HDLBP: variants seen among roughly 807,000 people sequenced by gnomAD.
The protein encoded by HDLBP is vigilin.
In HDLBP, 30 loss-of-function variants were observed where a neutral mutation model predicts 137.3. That is an observed-to-expected ratio of 0.22 (90% CI 0.16 to 0.30). The LOEUF (loss-of-function observed/expected upper bound fraction) is 0.30, where lower values mean the gene tolerates loss of function less well. Ranked by LOEUF, HDLBP falls within the 10% of genes least tolerant of loss-of-function variation. HDLBP has a pLI of 1.00. For missense variants in HDLBP, 1,119 were observed against 1,667.3 expected, an observed-to-expected ratio of 0.67 and a Z score of 5.73; for synonymous variants, 606 against 596.0, an observed-to-expected ratio of 1.02 and a Z score of -0.24.
chr2:241,239,521 G>A lies in HDLBP; in HGVS notation c.2610+81C>T, dbSNP rs1011579824. 4.3e-6 allele frequency: 5 copies of A among 1,151,304 alleles called. No individual in the cohort carries two copies. The highest frequency in any genetic ancestry group is 1.5e-5 in the African/African-American group (1 of 66,424). 71.3% of individuals were successfully genotyped at this position (1,151,304 alleles called of 1,614,324 possible). ...GTATGAGGGAGTCACCTCCCTACAGGGTGGAGCGAACACTCATACACGGCT... is the reference window on the plus strand; with the variant it reads ...GTATGAGGGAGTCACCTCCCTACAGAGTGGAGCGAACACTCATACACGGCT... On this transcript the variant is annotated intron_variant, in intron 19 of 27. Transcript: ENST00000310931. The surrounding 1 kb of genome is among the most constrained non-coding windows in gnomAD (Gnocchi z 4.6).
rs757980527 is a variant in HDLBP, at chr2:241,235,237, C to T, written c.3028G>A (p.Ala1010Thr). The T allele has an allele frequency of 6.2e-7, 1 of 1,614,192 alleles. No homozygotes were observed. Among genetic ancestry groups the T allele is most frequent in the Non-Finnish European group, 8.5e-7 (1 of 1,180,042 alleles). Residue 1010 changes from alanine (A) to threonine (T), a missense_variant, in exon 23 of 28, where the codon GCA (alanine) becomes ACA (threonine). By Grantham distance (58) the Ala-to-Thr change is moderately conservative. Transcript: ENST00000310931. Reference protein sequence around the residue: ...DEFEVNIHVPAPELQSDIIAI... With the variant: ...DEFEVNIHVPTPELQSDIIAI... The stretch of plus-strand genomic sequence containing the variant: ...ATGATGTCAGACTGCAGCTCAGGTG[C>T]CGGGACATGTATGTTCACCTACGTG...
intron 1 of HDLBP, among the ~76,000 whole-genome samples, chr2:241,311,015 G>A (rs1305222242): frequency 6.6e-6 from 1 of 152,104 alleles, no homozygotes; most frequent in Non-Finnish European, 1.5e-5. Context: ...TTGGGAGGCC[G>A]AGGCAGGAGC....
At position 241,230,313 on chromosome 2, in the gene HDLBP, G is replaced by A. The variant is rs771401570; in HGVS notation, c.3475-44C>T. 4.3e-6 allele frequency: 5 copies of A among 1,164,522 alleles called. No homozygotes were observed. Among genetic ancestry groups the A allele is most frequent in the Admixed American group, 2.3e-5 (1 of 43,860 alleles). The allele number at this position is 1,164,522 out of a possible 1,614,324, so 72.1% of individuals were successfully genotyped here. On this transcript the variant is annotated intron_variant, in intron 25 of 27. Coordinates refer to ENST00000310931, the MANE Select transcript of HDLBP (RefSeq NM_005336.6). This position sits in a 1 kb window ranked among gnomAD's most constrained non-coding sequence, Gnocchi z 5.0. Reference sequence around the variant, plus strand: ...GTCAGATGAGGGGACTCCAAGCGAGGAAAAGGGTTAAAATTATGTGTCAAT... The same window carrying A: ...GTCAGATGAGGGGACTCCAAGCGAGAAAAAGGGTTAAAATTATGTGTCAAT...
chr2:241,247,746 G>T (rs926288090), intron 14 of HDLBP, among the ~76,000 whole-genome samples: 5 of 152,120 alleles, frequency 3.3e-5, no homozygotes, highest in African/African-American at 1.2e-4. Context: ...AAGGTAACTG[G>T]GCATGAGAAA....
intron 20 of HDLBP, among the ~76,000 whole-genome samples, chr2:241,237,002 G>A (rs1486261857): frequency 1.4e-5 from 2 of 142,760 alleles, no homozygotes; most frequent in Non-Finnish European, 3.0e-5. Flanking sequence ...GGGCGGCAAT[G>A]AAGGCTTTGC....
rs755217872 is a variant in HDLBP, at chr2:241,233,808, C to T, written c.3288+12G>A. On this transcript the variant is annotated intron_variant, in intron 24 of 27. Coordinates refer to ENST00000310931, the MANE Select transcript of HDLBP (RefSeq NM_005336.6). The surrounding 1 kb of genome is among the most constrained non-coding windows in gnomAD (Gnocchi z 4.3). ...ACCTCTGCCCCCGACACGCTCCAAC[C>T]GAGGCTCTCACCTGGTTCCCATCGT... 30 of 1,614,020 alleles carry T rather than the reference C, an allele frequency of 1.9e-5. No individual in the cohort carries two copies. The highest frequency in any genetic ancestry group is 6.7e-5 in the East Asian group (3 of 44,886).
intron 1 of HDLBP, among the ~76,000 whole-genome samples, chr2:241,306,109 C>T (rs181745079): frequency 2.4e-4 from 36 of 151,852 alleles, no homozygotes; most frequent in African/African-American, 6.8e-4. Flanking sequence ...GATTCTTAAA[C>T]GTGATCACAA....
At chr2:241,298,347 C>T (rs2075262630) in intron 1 of HDLBP, among the ~76,000 whole-genome samples, 2 of 151,760 alleles carry the variant, frequency 1.3e-5, no homozygotes, top group Non-Finnish European at 2.9e-5. Context: ...GCCTGGGCGA[C>T]AGAGTGAGAC....
chr2:241,309,743 C>A (rs2075706601), intron 1 of HDLBP, among the ~76,000 whole-genome samples: 1 of 152,206 alleles, frequency 6.6e-6, no homozygotes, highest in Non-Finnish European at 1.5e-5. Context: ...AATCTTTGGA[C>A]TGGGGACACC....
intron 1 of HDLBP, among the ~76,000 whole-genome samples, chr2:241,273,852 GTT>G (rs35026687): frequency 2.9e-5 from 4 of 139,246 alleles, no homozygotes; most frequent in African/African-American, 1.0e-4. Flanking sequence ...GATCAGACGT[GTT>G]TTTTTTTTTT....
chr2:241,263,640 A>G (rs2073385644), intron 4 of HDLBP, among the ~76,000 whole-genome samples: 1 of 152,202 alleles, frequency 6.6e-6, no homozygotes, highest in Non-Finnish European at 1.5e-5. Context: ...CAGGGAAGAC[A>G]CTGGCAGCGA....
intron 5 of HDLBP, among the ~76,000 whole-genome samples, chr2:241,260,332 G>C (rs2073051431): frequency 6.6e-6 from 1 of 152,164 alleles, no homozygotes; most frequent in South Asian, 2.1e-4. Context: ...AATAGGTCAT[G>C]ACAGAAAGCT....
chr2:241,245,651 A>T (rs2071610614), intron 16 of HDLBP, among the ~76,000 whole-genome samples: 1 of 152,144 alleles, frequency 6.6e-6, no homozygotes, highest in Non-Finnish European at 1.5e-5. Context: ...AGAAGAAAAA[A>T]ATTAGCCTGG....
intron 2 of HDLBP, chr2:241,267,884 C>T (rs2073798026): frequency 1.0e-6 from 1 of 985,440 alleles, no homozygotes; most frequent in Non-Finnish European, 1.2e-6. Flanking sequence ...CTCATTAGCA[C>T]AGCCACAGTG....
At chr2:241,303,636 G>A (rs1455586853) in intron 1 of HDLBP, among the ~76,000 whole-genome samples, 1 of 152,138 alleles carries the variant, frequency 6.6e-6, no homozygotes, top group African/African-American at 2.4e-5. Context: ...AAAGCCATTC[G>A]TCGAGACCAC....
chr2:241,294,198 G>A (rs1054345761), intron 1 of HDLBP, among the ~76,000 whole-genome samples: 11 of 152,136 alleles, frequency 7.2e-5, no homozygotes, highest in African/African-American at 2.7e-4. Context: ...TAACTCATTG[G>A]CATTAATTGG....
At chr2:241,295,331 G>C (rs1047612574) in intron 1 of HDLBP, among the ~76,000 whole-genome samples, 1 of 152,178 alleles carries the variant, frequency 6.6e-6, no homozygotes, top group Non-Finnish European at 1.5e-5. Flanking sequence ...GTCAAAGACT[G>C]TCCAATAGGC....
chr2:241,308,660 G>C (rs1268481249), intron 1 of HDLBP, among the ~76,000 whole-genome samples: 5 of 152,202 alleles, frequency 3.3e-5, no homozygotes, highest in Admixed American at 3.3e-4. Context: ...GAGGCTGACT[G>C]ACAAGGCCAG....
At chr2:241,276,259 T>A (rs181705592) in intron 1 of HDLBP, among the ~76,000 whole-genome samples, 29 of 151,870 alleles carry the variant, frequency 1.9e-4, no homozygotes, top group African/African-American at 6.8e-4. Flanking sequence ...AAACAAAGAG[T>A]TTTTAACATT....
Sources: allele counts gnomAD v4.1 joint callset (sites outside exome capture counted in the v4.1 genomes callset), GRCh38; gene constraint gnomAD v4.1.1; non-coding constraint Gnocchi (gnomAD v3.1); transcripts MANE v1.5; gene names NCBI Gene and HGNC (gene_info 2026-07-23, HGNC 2026-07-21).